FAM118B: variants seen among roughly 807,000 people sequenced by gnomAD.
FAM118B encodes SIR2 antiphage like 1.
FAM118B carries 24 observed loss-of-function variants against 38.5 expected under a neutral mutation model. That is an observed-to-expected ratio of 0.62 (90% confidence interval 0.45 to 0.88). The LOEUF is 0.88. Ranked by LOEUF, FAM118B falls within the 40% of genes least tolerant of loss-of-function variation. The probability of loss-of-function intolerance (pLI) is 0.00; values close to 1 mark genes in which losing one functional copy is unlikely to be tolerated. For missense variants in FAM118B, 334 were observed against 420.0 expected, an observed-to-expected ratio of 0.80 and a Z score of 1.79; for synonymous variants, 138 against 156.3, an observed-to-expected ratio of 0.88 and a Z score of 0.87.
Position 126,257,883 on chromosome 11 carries a change from C to G in FAM118B, c.982+1031C>G, listed in dbSNP as rs148022402. On this transcript the variant is annotated intron_variant, in intron 7 of 8. Transcript: ENST00000533050. ...AAGAGCAAAATGGTGATTAAAGATT[C>G]AGCTGATTAGTGGCTGCAGGCAAAT... Among the ~76,000 whole-genome samples the G allele has an allele frequency of 4.8e-3, 725 of 152,236 alleles. 7 individuals are homozygous for G. The highest frequency in any genetic ancestry group is 7.7e-3 in the Non-Finnish European group (525 of 68,012).
chr11:126,261,001 A>AT (rs1447473816), intron 7 of FAM118B: 16 of 160,432 alleles, frequency 1.0e-4, no homozygotes, highest in Admixed American at 1.8e-4. Flanking sequence ...GTGCTACCGT[A>AT]TTTTATTTTG....
chr11:126,252,734 T>C lies in FAM118B; in HGVS notation c.568-1571T>C, dbSNP rs1950521930. Among the ~76,000 whole-genome samples, 2 of 151,674 alleles carry C rather than the reference T, an allele frequency of 1.3e-5. No homozygotes were observed. The highest frequency in any genetic ancestry group is 4.8e-5 in the African/African-American group (2 of 41,274). ...CTCCAGCCTGGGTGACAGCATAAGA[T>C]CATGTCTCTAAATAAATAGGCTGGG... On this transcript the variant is annotated intron_variant, in intron 5 of 8. Coordinates refer to ENST00000533050, the MANE Select transcript of FAM118B (RefSeq NM_024556.4). This position sits in a 1 kb window ranked among gnomAD's most constrained non-coding sequence, Gnocchi z 4.7.
chr11:126,222,556 A>G (rs1318689226), intron 1 of FAM118B, among the ~76,000 whole-genome samples: 1 of 152,226 alleles, frequency 6.6e-6, no homozygotes, highest in African/African-American at 2.4e-5. Context: ...GTTGTTAGGA[A>G]GGAAAAACAA....
intron 5 of FAM118B, among the ~76,000 whole-genome samples, chr11:126,251,285 A>G (rs1950500086): frequency 6.6e-6 from 1 of 152,194 alleles, no homozygotes; most frequent in South Asian, 2.1e-4. Context: ...TTAAAGTCTC[A>G]TTGGTCCTAC....
chr11:126,261,475 G>A lies in FAM118B; in HGVS notation c.1033G>A (p.Glu345Lys). 6.2e-7 allele frequency: 1 copy of A among 1,612,428 alleles called. No individual in the cohort carries two copies. Among genetic ancestry groups the A allele is most frequent in the Non-Finnish European group, 8.5e-7 (1 of 1,178,434 alleles). ...QLNGSSAAHS[E>K]IRGCST ...AAATGGCTCATCTGCAGCACACAGT[G>A]AAATAAGAGGTATACTGTTTCCTAT... is the stretch of plus-strand genomic sequence containing the variant. Residue 345 changes from glutamate (E) to lysine (K), a missense_variant, in exon 8 of 9, where the codon GAA becomes AAA. Transcript: ENST00000533050.
intron 3 of FAM118B, among the ~76,000 whole-genome samples, chr11:126,238,648 A>G (rs1202593611): frequency 2.0e-5 from 3 of 152,124 alleles, no homozygotes; most frequent in African/African-American, 7.2e-5. Flanking sequence ...CCTCTGGTCA[A>G]CCTCTGCAGA....
upstream of FAM118B, chr11:126,211,772 C>G (rs1425024166): frequency 2.9e-5 from 29 of 1,014,666 alleles, 1 homozygote; most frequent in Non-Finnish European, 4.0e-5. Context: ...GGTGCGCGCT[C>G]AGTGCGGCTG....
At chr11:126,243,632 G>C (rs1272466597) in intron 4 of FAM118B, among the ~76,000 whole-genome samples, 1 of 152,062 alleles carries the variant, frequency 6.6e-6, no homozygotes, top group African/African-American at 2.4e-5. Flanking sequence ...GGCCAGGTGC[G>C]GTGGCTCACA....
chr11:126,254,915 C>A (rs1284319021), intron 6 of FAM118B, among the ~76,000 whole-genome samples: 3 of 152,236 alleles, frequency 2.0e-5, no homozygotes, highest in Non-Finnish European at 4.4e-5. Context: ...TGTAGAATTT[C>A]TCTTAAGGTG....
intron 3 of FAM118B, among the ~76,000 whole-genome samples, chr11:126,235,893 C>T (rs2043952984): frequency 1.3e-5 from 2 of 152,184 alleles, no homozygotes; most frequent in South Asian, 2.1e-4. Context: ...TAATGCGTAA[C>T]GATTATGTTT....
chr11:126,218,929 T>C (rs11220405), intron 1 of FAM118B, among the ~76,000 whole-genome samples: 22,061 of 152,214 alleles, frequency 0.14, 2,656 homozygotes, highest in East Asian at 0.64. Context: ...TCCAGACCCA[T>C]TTCAGATTTC....
chr11:126,234,931 G>C (rs1005855607), intron 2 of FAM118B, 64 bp from the exon 3 acceptor site: 7 of 1,299,068 alleles, frequency 5.4e-6, no homozygotes, highest in Non-Finnish European at 7.7e-6. Context: ...TTTAATATAT[G>C]TGCTATTTTG....
At chr11:126,243,883 G>A (rs12576539) in intron 4 of FAM118B, among the ~76,000 whole-genome samples, 8,137 of 145,330 alleles carry the variant, frequency 0.056, 346 homozygotes, top group East Asian at 0.18. Flanking sequence ...CAGCCTGGAC[G>A]ACAGAGCAAG....
chr11:126,241,092 A>G, intron 4 of FAM118B, 48 bp downstream of exon 4: 1 of 1,502,100 alleles, frequency 6.7e-7, no homozygotes. Context: ...CCTAAAATTT[A>G]ACTATCACAA....
Position 126,250,549 on chromosome 11 carries a change from A to G in FAM118B, c.383A>G (p.Tyr128Cys), listed in dbSNP as rs1323530713. Residue 128 changes from tyrosine (Y) to cysteine (C), a missense_variant, in exon 5 of 9, where the codon TAT becomes TGT. Tyr to Cys is a radical substitution (Grantham distance 194). Coordinates refer to ENST00000533050, the MANE Select transcript of FAM118B (RefSeq NM_024556.4). This position sits in a 1 kb window ranked among gnomAD's most constrained non-coding sequence, Gnocchi z 5.1. ...TCCACATTTTTCAAGGACTGTTTAT[A>G]TGAAGTATTTGATGACTTGGAGTCA... ...VRSTFFKDCL[Y>C]EVFDDLESKM... is the part of the protein sequence containing the mutation. The G allele has an allele frequency of 1.2e-6, 2 of 1,614,014 alleles. No individual in the cohort carries two copies. The highest frequency in any genetic ancestry group is 2.7e-5 in the African/African-American group (2 of 74,926).
chr11:126,235,112 G>A (rs1950256606), intron 3 of FAM118B, 25 bp downstream of exon 3: 3 of 1,603,464 alleles, frequency 1.9e-6, no homozygotes, highest in Non-Finnish European at 2.6e-6. Context: ...GGAATCAGCA[G>A]AGTAAATTAC....
chr11:126,219,125 C>T (rs1394162701), intron 1 of FAM118B, among the ~76,000 whole-genome samples: 1 of 152,090 alleles, frequency 6.6e-6, no homozygotes, highest in Non-Finnish European at 1.5e-5. Context: ...TCTCCTGCAC[C>T]TCACATTCTT....
In FAM118B at chr11:126,256,707, G is replaced by C; in HGVS notation, c.837G>C (p.Arg279=). 6.2e-7 allele frequency: 1 copy of C among 1,614,194 alleles called. No homozygotes were observed. Among genetic ancestry groups the C allele is most frequent in the Non-Finnish European group, 8.5e-7 (1 of 1,180,038 alleles). ...ACCTAGAACATTTCATGCTGGTTCG[G>C]AGAGGAGACGTAGATGAGTTCAAAA... The part of the protein sequence containing the change: ...KSDLEHFMLV[R]RGDVDEFKKL... The change falls in exon 7 of 9, where the codon CGG becomes CGC. Residue 279 remains arginine (R), a synonymous_variant. Transcript: ENST00000533050. The surrounding 1 kb of genome is among the most constrained non-coding windows in gnomAD (Gnocchi z 6.6).
At position 126,229,272 on chromosome 11, in the gene FAM118B, A is replaced by G. The variant is rs1274410102; in HGVS notation, c.-29A>G. The stretch of plus-strand genomic sequence containing the variant: ...ACAGGAGGAAAGCAGTGACAAAGAA[A>G]GAAGTTGTCATTCTTTGCACGGTAA... On this transcript the variant is annotated 5_prime_UTR_variant, in exon 2 of 9. Transcript: ENST00000533050. 6.6e-6 allele frequency: 1 copy of G among 152,224 alleles called. No homozygotes were observed. The highest frequency in any genetic ancestry group is 1.5e-5 in the Non-Finnish European group (1 of 68,038). 9.4% of individuals were successfully genotyped at this position (152,224 alleles called of 1,614,324 possible). A position where few individuals can be genotyped will look rare whatever the true frequency, so the allele number is the denominator to read the frequency against.
Sources: allele counts gnomAD v4.1 joint callset (sites outside exome capture counted in the v4.1 genomes callset), GRCh38; gene constraint gnomAD v4.1.1; non-coding constraint Gnocchi (gnomAD v3.1); transcripts MANE v1.5; gene names NCBI Gene and HGNC (gene_info 2026-07-23, HGNC 2026-07-21).